The following SLC60A2 variants were observed in gnomAD, a reference collection of about 807,000 sequenced individuals.
The protein encoded by SLC60A2 is major facilitator superfamily domain containing 4B.
chr6:111,265,832 GTAAC>G, the SLC60A2 span: 1 of 1,506,608 alleles, frequency 6.6e-7, no homozygotes. Flanking sequence ...TAATAAGTAA[GTAAC>G]TGTTTAACTT....
At chr6:111,267,059 T>C in the SLC60A2 span, 3 of 1,614,030 alleles carry the variant, frequency 1.9e-6, no homozygotes, top group African/African-American at 4.0e-5. Context: ...CTCCTTTTAA[T>C]ACTGGCAGTG....
the SLC60A2 span, among the ~76,000 whole-genome samples, chr6:111,274,592 G>A: frequency 4.1e-5 from 2 of 49,350 alleles, no homozygotes; most frequent in Admixed American, 2.4e-4. Flanking sequence ...TATATCCTTT[G>A]TTTTTTCCTC....
chr6:111,266,848 T>G, the SLC60A2 span: 1 of 1,613,914 alleles, frequency 6.2e-7, no homozygotes, highest in East Asian at 2.2e-5. Flanking sequence ...AAAGCTCTGC[T>G]CTCTAGCTCC....
chr6:111,279,770 C>T, the SLC60A2 span, among the ~76,000 whole-genome samples: 2 of 152,074 alleles, frequency 1.3e-5, no homozygotes, highest in Non-Finnish European at 2.9e-5. Flanking sequence ...TTTATTACAT[C>T]TGAATTTAAG....
chr6:111,270,546 C>G, the SLC60A2 span: 2 of 152,006 alleles, frequency 1.3e-5, no homozygotes, highest in Admixed American at 1.3e-4. Flanking sequence ...GACCCCTTCT[C>G]TAAAAAACAG....
the SLC60A2 span, among the ~76,000 whole-genome samples, chr6:111,272,444 T>C: frequency 6.6e-6 from 1 of 152,150 alleles, no homozygotes; most frequent in Non-Finnish European, 1.5e-5. Context: ...AGTTATATAC[T>C]GGATTATTGA....
At chr6:111,273,469 A>C in the SLC60A2 span, among the ~76,000 whole-genome samples, 2 of 150,588 alleles carry the variant, frequency 1.3e-5, no homozygotes, top group Non-Finnish European at 3.0e-5. Context: ...ATATGATTTT[A>C]ATTCTTGTAA....
the SLC60A2 span, among the ~76,000 whole-genome samples, chr6:111,275,845 T>C: frequency 2.6e-5 from 4 of 152,366 alleles, no homozygotes; most frequent in Admixed American, 2.6e-4. Flanking sequence ...TATATTCACA[T>C]TGTCTTACAA....
the SLC60A2 span, chr6:111,271,168 A>C: frequency 2.8e-4 from 2 of 7,098 alleles, no homozygotes; most frequent in Non-Finnish European, 6.8e-4. Flanking sequence ...ACTCCATCTC[A>C]AAAAAAAAAA....
chr6:111,259,352 C>T, the SLC60A2 span: 1 of 319,548 alleles, frequency 3.1e-6, no homozygotes, highest in Non-Finnish European at 5.7e-6. Flanking sequence ...GAGCGAGCGT[C>T]TTTTGCCACG....
chr6:111,261,345 G>T, the SLC60A2 span, among the ~76,000 whole-genome samples: 2 of 152,198 alleles, frequency 1.3e-5, no homozygotes, highest in Non-Finnish European at 2.9e-5. Flanking sequence ...ACGTTTTCCA[G>T]TGGCTCAGTC....
chr6:111,276,088 T>G, the SLC60A2 span, among the ~76,000 whole-genome samples: 4 of 152,214 alleles, frequency 2.6e-5, no homozygotes, highest in African/African-American at 4.8e-5. Flanking sequence ...ATCATCCTTG[T>G]TGTAGCATGT....
chr6:111,259,406 C>T, the SLC60A2 span: 3 of 393,220 alleles, frequency 7.6e-6, no homozygotes, highest in East Asian at 7.5e-5. Flanking sequence ...GCCCCGGTTC[C>T]GGGCGGTCCG....
At chr6:111,263,851 C>T in the SLC60A2 span, 6 of 1,604,210 alleles carry the variant, frequency 3.7e-6, no homozygotes, top group Non-Finnish European at 5.1e-6. Context: ...TCGGCTACCA[C>T]CGTTGGTCTT....
At chr6:111,277,330 G>A in the SLC60A2 span, among the ~76,000 whole-genome samples, 2 of 152,232 alleles carry the variant, frequency 1.3e-5, no homozygotes, top group African/African-American at 4.8e-5. Context: ...GACAAGGTTT[G>A]TGGATTGTTT....
the SLC60A2 span, chr6:111,277,786 A>G: frequency 5.3e-5 from 8 of 152,232 alleles, no homozygotes; most frequent in South Asian, 1.4e-3. Flanking sequence ...AGAATTTTGT[A>G]GAAATTACTC....
chr6:111,279,056 G>A, the SLC60A2 span, among the ~76,000 whole-genome samples: 1 of 152,148 alleles, frequency 6.6e-6, no homozygotes, highest in Non-Finnish European at 1.5e-5. Flanking sequence ...CTGGAGTGGA[G>A]CCTGAGTATG....
At chr6:111,267,317 T>C in the SLC60A2 span, 1 of 530,846 alleles carries the variant, frequency 1.9e-6, no homozygotes, top group Non-Finnish European at 3.3e-6. Flanking sequence ...CTCATACACG[T>C]ACAATAGGAT....
chr6:111,276,711 T>G, the SLC60A2 span, among the ~76,000 whole-genome samples: 1 of 151,964 alleles, frequency 6.6e-6, no homozygotes, highest in Non-Finnish European at 1.5e-5. Flanking sequence ...GCTCATTCGT[T>G]TACAGAGATC....
Sources: allele counts gnomAD v4.1 joint callset (sites outside exome capture counted in the v4.1 genomes callset), GRCh38; gene constraint gnomAD v4.1.1; transcripts MANE v1.5; gene names NCBI Gene and HGNC (gene_info 2026-07-23, HGNC 2026-07-21).